The following SV2C variants were observed in gnomAD, a reference collection of about 807,000 sequenced individuals.
The protein encoded by SV2C is synaptic vesicle glycoprotein 2C.
SV2C carries 49 observed loss-of-function variants against 79.7 expected under a neutral mutation model. The observed-to-expected ratio is 0.61, with a 90% confidence interval of 0.49 to 0.78. The LOEUF (loss-of-function observed/expected upper bound fraction) is 0.78. Ranked by LOEUF, SV2C falls within the 30% of genes least tolerant of loss-of-function variation. SV2C has a pLI of 0.00. For missense variants in SV2C, 833 were observed against 912.9 expected (o/e 0.91, Z 1.13); for synonymous variants, 334 against 333.2 (o/e 1.00, Z -0.03).
chr5:76,195,870 T>G (rs1314195727), intron 3 of SV2C, among the ~76,000 whole-genome samples: 1 of 152,176 alleles, frequency 6.6e-6, no homozygotes, highest in Non-Finnish European at 1.5e-5. Context: ...GACACAAGTT[T>G]ACCTCTATAA....
the SV2C span, among the ~76,000 whole-genome samples, chr5:76,000,701 T>C: frequency 0.46 from 70,608 of 152,000 alleles, 17,219 homozygotes; most frequent in Middle Eastern, 0.63. Context: ...TGATACCACA[T>C]CACATCCAGA....
At chr5:75,925,236 T>C in the SV2C span, among the ~76,000 whole-genome samples, 1 of 152,166 alleles carries the variant, frequency 6.6e-6, no homozygotes, top group South Asian at 2.1e-4. Context: ...GCCGGACTTC[T>C]GTGCCATCAG....
intron 2 of SV2C, among the ~76,000 whole-genome samples, chr5:76,150,743 T>G (rs1749580089): frequency 1.4e-5 from 2 of 142,804 alleles, no homozygotes; most frequent in South Asian, 4.7e-4. Flanking sequence ...GCTCAAGTGA[T>G]CCTCCCACCT....
Position 76,263,649 on chromosome 5 carries a change from G to A in SV2C, c.914-21513G>A, listed in dbSNP as rs1040662391. Reference sequence around the variant, plus strand: ...GTGCTTCCTTCAGGAGTTCTTGTAAGGCAGGCTTGGTGATGACAAAATCCC... The same window carrying A: ...GTGCTTCCTTCAGGAGTTCTTGTAAAGCAGGCTTGGTGATGACAAAATCCC... On this transcript the variant is annotated intron_variant, in intron 4 of 12. Coordinates refer to ENST00000502798, the MANE Select transcript of SV2C (RefSeq NM_014979.4). Among the ~76,000 whole-genome samples, 3 of 152,128 alleles carry A rather than the reference G, an allele frequency of 2.0e-5. No homozygotes were observed. The South Asian group carries it at 6.2e-4, about 32-fold the overall frequency.
intron 6 of SV2C, among the ~76,000 whole-genome samples, chr5:76,287,485 C>A (rs1158835687): frequency 3.9e-5 from 6 of 152,146 alleles, no homozygotes; most frequent in Non-Finnish European, 7.3e-5. Flanking sequence ...CTTCCCATTG[C>A]TCTCAGGATA....
At chr5:76,037,333 G>A in the SV2C span, among the ~76,000 whole-genome samples, 2 of 152,182 alleles carry the variant, frequency 1.3e-5, no homozygotes, top group Non-Finnish European at 2.9e-5. Flanking sequence ...GCTTTTTAGA[G>A]TTTCCAGTTT....
chr5:75,909,303 G>A, the SV2C span, among the ~76,000 whole-genome samples: 1 of 152,198 alleles, frequency 6.6e-6, no homozygotes, highest in African/African-American at 2.4e-5. Context: ...TTCTTATTTG[G>A]AGACAGTACT....
At chr5:75,996,018 C>A in the SV2C span, among the ~76,000 whole-genome samples, 1 of 152,088 alleles carries the variant, frequency 6.6e-6, no homozygotes, top group African/African-American at 2.4e-5. Context: ...TCAGGCAGAT[C>A]CTGCAGGCAG....
rs774708883 is a variant in SV2C at position 76,195,050 on chromosome 5, G to T, written c.712G>T (p.Val238Phe). The stretch of plus-strand genomic sequence containing the variant: ...ATTCTTTGCCTTCCTTTCTTCATTT[G>T]TCCAAGGTTATGGCTTCTTTCTCTT... ...NGFFAFLSSF[V>F]QGYGFFLFCR... Residue 238 changes from valine to phenylalanine, a missense_variant, in exon 3 of 13, where the codon GTC becomes TTC. Transcript: ENST00000502798. 1 of 1,614,022 alleles carries T rather than the reference G, an allele frequency of 6.2e-7. No individual in the cohort carries two copies. The highest frequency in any genetic ancestry group is 1.1e-5 in the South Asian group (1 of 91,072).
the SV2C span, among the ~76,000 whole-genome samples, chr5:75,871,510 G>A: frequency 2.0e-5 from 3 of 152,086 alleles, no homozygotes; most frequent in African/African-American, 7.2e-5. Context: ...AAGTTTGCCA[G>A]TTAAAAAAAT....
At chr5:76,033,080 T>A in the SV2C span, among the ~76,000 whole-genome samples, 10 of 152,194 alleles carry the variant, frequency 6.6e-5, no homozygotes, top group African/African-American at 2.4e-4. Flanking sequence ...CTTTGTCCAC[T>A]TTTTGATGGG....
At chr5:76,291,076 G>T in intron 6 of SV2C, 145 bp from the exon 7 acceptor site, 1 of 494,636 alleles carries the variant, frequency 2.0e-6, no homozygotes, top group Non-Finnish European at 3.6e-6. Flanking sequence ...TTATGGCAGT[G>T]GTCTCATATA....
chr5:76,264,882 G>A lies in SV2C; in HGVS notation c.914-20280G>A, dbSNP rs138348083. On this transcript the variant is annotated intron_variant, in intron 4 of 12. Transcript: ENST00000502798. ...ATGAGGTGTCTGTCAACCCCTGTTC[G>A]GAGGTCTCTCCCAGTCAGGAGACAT... Among the ~76,000 whole-genome samples, 9 of 152,298 alleles carry A rather than the reference G, an allele frequency of 5.9e-5. No homozygotes were observed. The East Asian group carries it at 1.5e-3, about 26-fold the overall frequency.
intron 12 of SV2C, among the ~76,000 whole-genome samples, chr5:76,305,327 T>C (rs1748151190): frequency 6.6e-6 from 1 of 152,234 alleles, no homozygotes; most frequent in African/African-American, 2.4e-5. Context: ...TTGTTCATTA[T>C]AGGACACATC....
chr5:75,933,681 G>T, the SV2C span, among the ~76,000 whole-genome samples: 383 of 152,298 alleles, frequency 2.5e-3, 5 homozygotes, highest in East Asian at 0.02. Context: ...CATGCAGCAG[G>T]AACCATCTTG....
At chr5:76,081,646 C>T (rs1021305490), upstream of SV2C, among the ~76,000 whole-genome samples, 1 of 152,208 alleles carries the variant, frequency 6.6e-6, no homozygotes, top group African/African-American at 2.4e-5. Context: ...TGGTCACAGA[C>T]TGCAAAGCCT....
At chr5:75,862,387 A>G in the SV2C span, among the ~76,000 whole-genome samples, 1 of 152,202 alleles carries the variant, frequency 6.6e-6, no homozygotes, top group South Asian at 2.1e-4. Flanking sequence ...TTTGCCTAGA[A>G]CCTACATGGA....
intron 12 of SV2C, among the ~76,000 whole-genome samples, chr5:76,313,774 C>T (rs1005131902): frequency 2.6e-4 from 39 of 152,124 alleles, no homozygotes; most frequent in African/African-American, 9.4e-4. Context: ...TTGGAGGACG[C>T]TTGTATGTTC....
the SV2C span, among the ~76,000 whole-genome samples, chr5:76,070,464 A>G: frequency 2.0e-5 from 3 of 152,158 alleles, no homozygotes; most frequent in Non-Finnish European, 4.4e-5. Context: ...TTCTCCCCTG[A>G]GGTAAATCTG....
Sources: gnomAD v4.1 joint callset for allele counts (sites outside exome capture counted in the v4.1 genomes callset) on GRCh38, gnomAD v4.1.1 for gene constraint, MANE v1.5 for transcripts, NCBI Gene and HGNC (gene_info 2026-07-23, HGNC 2026-07-21) for gene names.